The following ZNF280D variants were observed in gnomAD, a reference collection of about 807,000 sequenced individuals.
ZNF280D encodes zinc finger protein 280D.
ZNF280D carries 39 observed loss-of-function variants against 94.7 expected under a neutral mutation model. The ratio of observed to expected loss-of-function variants is 0.41; its 90% confidence interval spans 0.32 to 0.54. ZNF280D has a LOEUF of 0.54. Among genes scored for constraint, ZNF280D ranks in the 20% least tolerant of loss-of-function variants. The pLI, the probability that ZNF280D is intolerant of heterozygous loss-of-function variation, is 0.22. For missense variants in ZNF280D, 1,090 were observed against 1,149.3 expected, an observed-to-expected ratio of 0.95 and a Z score of 0.75; for synonymous variants, 398 against 377.6, an observed-to-expected ratio of 1.05 and a Z score of -0.63.
At chr15:56,685,058 C>T (rs1057121295) in intron 9 of ZNF280D, among the ~76,000 whole-genome samples, 1 of 152,122 alleles carries the variant, frequency 6.6e-6, no homozygotes, top group Non-Finnish European at 1.5e-5. Context: ...AAAAGCAACA[C>T]TGAATACTAG....
At chr15:56,657,772 G>C (rs927628326) in intron 17 of ZNF280D, among the ~76,000 whole-genome samples, 2 of 152,112 alleles carry the variant, frequency 1.3e-5, no homozygotes, top group East Asian at 3.9e-4. Context: ...ACTGCTGGTG[G>C]GAATGTAAAA....
At chr15:56,670,167 C>A (rs906740411) in intron 13 of ZNF280D, among the ~76,000 whole-genome samples, 1 of 142,550 alleles carries the variant, frequency 7.0e-6, no homozygotes, top group Admixed American at 7.4e-5. Flanking sequence ...AGATACATCA[C>A]TATGTCCATT....
At chr15:56,670,925 A>G (rs1408925290) in intron 13 of ZNF280D, among the ~76,000 whole-genome samples, 2 of 152,030 alleles carry the variant, frequency 1.3e-5, no homozygotes, top group Non-Finnish European at 1.5e-5. Flanking sequence ...GCATTCCCTA[A>G]TGATCAGTGA....
chr15:56,727,722 G>A (rs1427676111), intron 1 of ZNF280D, among the ~76,000 whole-genome samples: 3 of 152,124 alleles, frequency 2.0e-5, no homozygotes, highest in Non-Finnish European at 1.5e-5. Context: ...ACTATTAGAC[G>A]AACCAGAAGA....
In ZNF280D at chr15:56,720,876, C is replaced by G. The variant is rs183385440; in HGVS notation, c.-86+12582G>C. The stretch of plus-strand genomic sequence containing the variant: ...TTTCTGTAATTCATGTTGTAAACCA[C>G]GTTTACATCTGGTTCAGTAAACCAG... On this transcript the variant is annotated intron_variant, in intron 1 of 21. Transcript: ENST00000267807. Among the ~76,000 whole-genome samples the G allele has an allele frequency of 3.3e-4, 49 of 148,526 alleles. No homozygotes were observed. In the Admixed American group the frequency reaches 3.3e-3, roughly 10 times the overall value.
chr15:56,645,479 T>C (rs1395018384), intron 19 of ZNF280D: 1 of 152,192 alleles, frequency 6.6e-6, no homozygotes, highest in Non-Finnish European at 1.5e-5. Context: ...GGACAAGCTT[T>C]TCCCTCTAAA....
chr15:56,633,478 T>C (rs1234233546), intron 21 of ZNF280D, among the ~76,000 whole-genome samples: 1 of 151,924 alleles, frequency 6.6e-6, no homozygotes, highest in African/African-American at 2.4e-5. Context: ...ATATAAAAAA[T>C]CTAATATCTT....
intron 1 of ZNF280D, among the ~76,000 whole-genome samples, chr15:56,711,501 C>T (rs1181074754): frequency 6.6e-6 from 1 of 151,912 alleles, no homozygotes; most frequent in East Asian, 1.9e-4. Flanking sequence ...CGGGACTCTA[C>T]TAAAAATAAA....
At chr15:56,694,294 TACACAC>T (rs57017142) in intron 6 of ZNF280D, among the ~76,000 whole-genome samples, 7,765 of 138,422 alleles carry the variant, frequency 0.056, 232 homozygotes, top group African/African-American at 0.086. Flanking sequence ...TAATGACACA[TACACAC>T]ACACACACAC....
chr15:56,682,578 T>A, intron 9 of ZNF280D, 101 bp from the exon 10 acceptor site: 2 of 697,646 alleles, frequency 2.9e-6, no homozygotes, highest in Non-Finnish European at 4.5e-6. Flanking sequence ...GCCAGACCAT[T>A]AAAACTATGC....
intron 1 of ZNF280D, among the ~76,000 whole-genome samples, chr15:56,714,622 TAAA>T (rs2057940394): frequency 6.6e-6 from 1 of 152,082 alleles, no homozygotes; most frequent in Non-Finnish European, 1.5e-5. Flanking sequence ...TTTCCAAGAA[TAAA>T]AAGATAGAGC....
chr15:56,691,085 T>G (rs1245117050), intron 7 of ZNF280D, among the ~76,000 whole-genome samples: 5 of 152,098 alleles, frequency 3.3e-5, no homozygotes, highest in African/African-American at 4.8e-5. Flanking sequence ...AACAAAACAT[T>G]TGGTACACAG....
At chr15:56,726,011 C>T (rs1420688683) in intron 1 of ZNF280D, among the ~76,000 whole-genome samples, 1 of 151,688 alleles carries the variant, frequency 6.6e-6, no homozygotes, top group Non-Finnish European at 1.5e-5. Context: ...AAGCAAAAAG[C>T]CTAAATACAA....
Position 56,631,881 on chromosome 15 carries a change from T to A in ZNF280D, c.2557A>T (p.Met853Leu). Residue 853 changes from methionine (M) to leucine (L), a missense_variant, in exon 22 of 22, where the codon ATG becomes TTG. Coordinates refer to ENST00000267807, the MANE Select transcript of ZNF280D (RefSeq NM_017661.4). ...ATTATGTTTTCTGAACTTTGGCACATCTTCAACTCCATTTCCTGACAAACG... is the reference window on the plus strand; with the variant it reads ...ATTATGTTTTCTGAACTTTGGCACAACTTCAACTCCATTTCCTGACAAACG... ...QHVCQEMELK[M>L]CQSSENIILS... is the part of the protein sequence containing the mutation. 1 of 1,613,782 alleles carries A rather than the reference T, an allele frequency of 6.2e-7. No individual in the cohort carries two copies. The highest frequency in any genetic ancestry group is 1.6e-4 in the Middle Eastern group (1 of 6,062).
rs747612294 is a variant in ZNF280D, at chr15:56,631,932, C to T, written c.2506G>A (p.Val836Met). The T allele has an allele frequency of 1.9e-5, 31 of 1,613,794 alleles. 1 individual carries two copies. In the African/African-American group the frequency reaches 3.9e-4, roughly 20 times the overall value. The change falls in exon 22 of 22, where the codon GTG (valine) becomes ATG (methionine). Residue 836 changes from valine to methionine, a missense_variant. Physicochemically the swap from Val to Met is conservative, Grantham distance 21. This residue lies in a region of ZNF280D where 577 missense variants were observed against 568.8 expected (regional missense o/e 1.01). Coordinates refer to ENST00000267807, the MANE Select transcript of ZNF280D (RefSeq NM_017661.4). ...TGTTGTATTTGTTTTTTCTTTTCCA[C>T]TTTATCTGCACCAATATTTGAATCA... is the stretch of plus-strand genomic sequence containing the variant. ...SCDSNIGADK[V>M]EKKKQIQHVC...
chr15:56,637,679 A>C (rs774146110), intron 20 of ZNF280D, among the ~76,000 whole-genome samples: 5 of 152,140 alleles, frequency 3.3e-5, no homozygotes, highest in Non-Finnish European at 5.9e-5. Flanking sequence ...AATCCAAGCC[A>C]CTTTCAGGAG....
intron 9 of ZNF280D, among the ~76,000 whole-genome samples, chr15:56,683,789 C>G (rs924249043): frequency 1.3e-4 from 20 of 152,258 alleles, no homozygotes; most frequent in Non-Finnish European, 5.9e-5. Flanking sequence ...AGCTACACAA[C>G]CAAATTCCAC....
At chr15:56,692,808 TCTAA>T in intron 7 of ZNF280D, among the ~76,000 whole-genome samples, 1 of 152,252 alleles carries the variant, frequency 6.6e-6, no homozygotes, top group African/African-American at 2.4e-5. Flanking sequence ...TGAGAAGTTC[TCTAA>T]CTCACAGAAA....
At chr15:56,733,195 G>C (rs890649800) in intron 1 of ZNF280D, among the ~76,000 whole-genome samples, 1 of 152,188 alleles carries the variant, frequency 6.6e-6, no homozygotes, top group African/African-American at 2.4e-5. Flanking sequence ...GAAGGCGAAG[G>C]CCTGCGCGGC....
Sources: allele counts gnomAD v4.1 joint callset (sites outside exome capture counted in the v4.1 genomes callset), GRCh38; gene constraint gnomAD v4.1.1; regional missense constraint gnomAD v4.1.1; transcripts MANE v1.5; gene names NCBI Gene and HGNC (gene_info 2026-07-23, HGNC 2026-07-21).